The following IL9R variants were observed in gnomAD, a reference collection of about 807,000 sequenced individuals.
IL9R encodes the protein interleukin 9 receptor, also known as interleukin-9 receptor.
Under a neutral mutation model 56.3 loss-of-function variants are expected in IL9R, and 54 were observed. The ratio of observed to expected loss-of-function variants is 0.96; its 90% CI spans 0.77 to 1.20. The LOEUF (loss-of-function observed/expected upper bound fraction) is 1.20, where lower values mean the gene tolerates loss of function less well. Among genes scored for constraint, IL9R ranks in the 50% most tolerant of loss-of-function variants. The probability of loss-of-function intolerance (pLI) is 0.00; values close to 1 mark genes in which losing one functional copy is unlikely to be tolerated. For missense variants in IL9R, 545 were observed against 629.8 expected (o/e 0.87, Z 1.44); for synonymous variants, 212 against 250.2 (o/e 0.85, Z 1.44).
Position 156,003,838 on chromosome X carries a change from AC to A in IL9R, c.418del (p.Leu140CysfsTer25). 6.2e-7 allele frequency: 1 copy of A among 1,613,878 alleles called. No individual in the cohort carries two copies. The highest frequency in any genetic ancestry group is 1.1e-5 in the South Asian group (1 of 91,054). On this transcript the variant is annotated frameshift_variant, in exon 4 of 9. Transcript: ENST00000244174. LOFTEE classifies it high-confidence loss of function. ...REQVSLVDPE[Y>X]LPRRHVKLDP... ...CAGGTCAGCCTGGTGGACCCGGAGT[AC>A]CTGCCCCGGAGACACGGTGAGCAGC...
At chrX:156,003,330 T>A (rs2124509241) in intron 2 of IL9R, 119 bp from the exon 3 acceptor site, 1 of 762,464 alleles carries the variant, frequency 1.3e-6, no homozygotes, top group East Asian at 2.6e-5. Flanking sequence ...GGACAGATTC[T>A]GGGATCATTT....
chrX:156,010,369 T>G lies in IL9R; in HGVS notation c.1526T>G (p.Leu509Arg). The G allele has an allele frequency of 5.5e-6, 3 of 543,494 alleles. No individual in the cohort carries two copies. Among genetic ancestry groups the G allele is most frequent in the Non-Finnish European group, 8.8e-6 (3 of 341,176 alleles). 33.7% of individuals were successfully genotyped at this position (543,494 alleles called of 1,614,324 possible). A position where few individuals can be genotyped will look rare whatever the true frequency, so the allele number is the denominator to read the frequency against. ...CATGAGGACCTCCAGGGCATGTTGC[T>G]CCCTTCTGTCCTCAGCAAGGCTCGG... ...GLHEDLQGML[L>R]PSVLSKARSW... The change falls in exon 9 of 9, where the codon CTC becomes CGC. Residue 509 changes from leucine to arginine, a missense_variant. Coordinates refer to ENST00000244174, the MANE Select transcript of IL9R (RefSeq NM_002186.3).
At chrX:156,000,159 T>TATATATATATATATATATACAC (rs1569467538) in intron 1 of IL9R, among the ~76,000 whole-genome samples, 5 of 149,942 alleles carry the variant, frequency 3.3e-5, no homozygotes, top group African/African-American at 1.2e-4. Context: ...TATATATATA[T>TATATATATATATATATATACAC]ACACACATAT....
chrX:155,998,135 G>A (rs1374171394), intron 1 of IL9R, among the ~76,000 whole-genome samples: 2 of 152,070 alleles, frequency 1.3e-5, no homozygotes. Flanking sequence ...TTTGTGGGGT[G>A]AGAATGGGCA....
intron 2 of IL9R, 68 bp from the exon 3 acceptor site, chrX:156,003,381 C>T: frequency 1.8e-6 from 2 of 1,126,364 alleles, no homozygotes. Flanking sequence ...GTCAGATCCT[C>T]CCCAACCCCC....
chrX:156,003,136 G>T, intron 2 of IL9R, 117 bp downstream of exon 2: 3 of 1,297,662 alleles, frequency 2.3e-6, no homozygotes, highest in Non-Finnish European at 3.3e-6. Flanking sequence ...CTGTGCTGGG[G>T]CATGTCCTCT....
chrX:156,004,393 G>A (rs2067761073), intron 4 of IL9R, 27 bp from the exon 5 acceptor site: 2 of 1,613,186 alleles, frequency 1.2e-6, no homozygotes, highest in Admixed American at 1.7e-5. Flanking sequence ...TGGGGCTTCA[G>A]CCTCACATGG....
At chrX:156,009,105 GTGTTTA>G (rs2068241343) in intron 8 of IL9R, among the ~76,000 whole-genome samples, 1 of 150,038 alleles carries the variant, frequency 6.7e-6, no homozygotes, top group African/African-American at 2.5e-5. Flanking sequence ...GTCTGTGTGT[GTGTTTA>G]TGTGTCTGTG....
Position 156,005,370 on chromosome X carries a change from G to C in IL9R, c.672G>C (p.Leu224=). Residue 224 remains leucine, a synonymous_variant, in exon 6 of 9, where the codon CTG becomes CTC. Transcript: ENST00000244174. Reference sequence around the variant, plus strand: ...CTGGCTTTATCCATGAGGCCAGGCTGCGTGTCCAGATGGCCACACTGGAGG... The same window carrying C: ...CTGGCTTTATCCATGAGGCCAGGCTCCGTGTCCAGATGGCCACACTGGAGG... ...LDPGFIHEAR[L]RVQMATLEDD... The C allele has an allele frequency of 1.2e-6, 2 of 1,612,942 alleles. No individual in the cohort carries two copies. Among genetic ancestry groups the C allele is most frequent in the Non-Finnish European group, 1.7e-6 (2 of 1,179,810 alleles).
chrX:156,003,858 GAGC>G lies in IL9R; in HGVS notation c.433+10_433+12del. On this transcript the variant is annotated splice_donor_5th_base_variant and intron_variant, in intron 4 of 8. Coordinates refer to ENST00000244174, the MANE Select transcript of IL9R (RefSeq NM_002186.3). The stretch of plus-strand genomic sequence containing the variant: ...GGAGTACCTGCCCCGGAGACACGGT[GAGC>G]AGCAGCTATAGGTCTGGGGCGGGGC... The G allele has an allele frequency of 4.3e-6, 7 of 1,613,890 alleles. No individual in the cohort carries two copies. Among genetic ancestry groups the G allele is most frequent in the Non-Finnish European group, 5.9e-6 (7 of 1,179,858 alleles).
intron 7 of IL9R, 32 bp downstream of exon 7, chrX:156,006,220 G>A (rs2067938046): frequency 1.2e-6 from 1 of 804,168 alleles, no homozygotes; most frequent in Admixed American, 1.9e-5. Context: ...GTGTGTACAT[G>A]TGTGAGCGGG....
rs1368091959 is a variant in IL9R, at chrX:155,998,474, C to G, written c.28+687C>G. Among the ~76,000 whole-genome samples, 3 of 152,086 alleles carry G rather than the reference C, an allele frequency of 2.0e-5. 1 individual carries two copies. The highest frequency in any genetic ancestry group is 6.5e-5 in the Admixed American group (1 of 15,276). ...CTTGGATCCTCCTCTCCCCTCCCTG[C>G]CCCCATTTTCTCTTCCTGTGATTTA... On this transcript the variant is annotated intron_variant, in intron 1 of 8. Coordinates refer to ENST00000244174, the MANE Select transcript of IL9R (RefSeq NM_002186.3).
At chrX:155,998,726 G>A (rs1198578530) in intron 1 of IL9R, among the ~76,000 whole-genome samples, 3 of 151,982 alleles carry the variant, frequency 2.0e-5, no homozygotes, top group African/African-American at 4.8e-5. Context: ...TGGGGCGGGG[G>A]TTGGAAAACA....
chrX:156,008,856 T>C (rs2068178183), intron 8 of IL9R, among the ~76,000 whole-genome samples: 1 of 151,994 alleles, frequency 6.6e-6, no homozygotes, highest in African/African-American at 2.4e-5. Context: ...CTGACAGCGA[T>C]TCGTGTGTGT....
chrX:156,010,245 C>T lies in IL9R; in HGVS notation c.1402C>T (p.Pro468Ser). The change falls in exon 9 of 9, where the codon CCA becomes TCA. Residue 468 changes from proline to serine, a missense_variant. Coordinates refer to ENST00000244174, the MANE Select transcript of IL9R (RefSeq NM_002186.3). ...PGNTQSSGPI[P>S]ALACGLSCDH... The stretch of plus-strand genomic sequence containing the variant: ...AAACACACAGAGCTCTGGGCCCATC[C>T]CAGCCCTGGCCTGTGGCCTTTCTTG... The T allele has an allele frequency of 7.7e-7, 1 of 1,301,186 alleles. No individual in the cohort carries two copies. Among genetic ancestry groups the T allele is most frequent in the South Asian group, 1.5e-5 (1 of 68,942 alleles). The allele number at this position is 1,301,186 out of a possible 1,614,324, so 80.6% of individuals were successfully genotyped here.
At chrX:155,997,904 G>A (rs1055388894) in intron 1 of IL9R, 117 bp downstream of exon 1, 19 of 966,236 alleles carry the variant, frequency 2.0e-5, no homozygotes, top group Admixed American at 9.3e-5. Flanking sequence ...ATTTGAGAGC[G>A]CCACCCTAGC....
intron 1 of IL9R, chrX:156,001,368 A>T (rs1569468718): frequency 7.4e-7 from 1 of 1,349,746 alleles, no homozygotes; most frequent in Non-Finnish European, 1.1e-6. Flanking sequence ...CACATATCCC[A>T]AGAGCAGGCT....
intron 7 of IL9R, among the ~76,000 whole-genome samples, chrX:156,006,815 A>G (rs950003098): frequency 6.6e-5 from 10 of 151,268 alleles, no homozygotes; most frequent in East Asian, 2.0e-4. Flanking sequence ...TGTGTGACAC[A>G]ACCTAGTTTA....
intron 8 of IL9R, among the ~76,000 whole-genome samples, chrX:156,009,079 GTGTT>G (rs1421390184): frequency 2.7e-5 from 4 of 150,654 alleles, no homozygotes; most frequent in Non-Finnish European, 4.4e-5. Context: ...GTGTCTGTGT[GTGTT>G]TGTGTGTGTG....
Sources: gnomAD v4.1 joint callset for allele counts (sites outside exome capture counted in the v4.1 genomes callset) on GRCh38, gnomAD v4.1.1 for gene constraint, MANE v1.5 for transcripts, NCBI Gene and HGNC (gene_info 2026-07-23, HGNC 2026-07-21) for gene names.